The following AGBL4 variants were observed in gnomAD, a reference collection of about 807,000 sequenced individuals.
AGBL4 encodes cytosolic carboxypeptidase 6.
In AGBL4, 58 loss-of-function variants were observed where a neutral mutation model predicts 66.4. The ratio of observed to expected loss-of-function variants is 0.87; its 90% CI spans 0.71 to 1.09. The LOEUF (loss-of-function observed/expected upper bound fraction) is 1.09. Ranked by LOEUF, AGBL4 falls within the 50% of genes least tolerant of loss-of-function variation. The pLI is 0.00. For synonymous variants in AGBL4, 234 were observed against 222.9 expected (o/e 1.05, Z -0.44); for missense variants, 579 against 631.0 (o/e 0.92, Z 0.88).
intron 3 of AGBL4, among the ~76,000 whole-genome samples, chr1:49,276,058 T>G (rs1300177319): frequency 6.6e-6 from 1 of 151,982 alleles, no homozygotes; most frequent in Non-Finnish European, 1.5e-5. Context: ...TTCACTTTCT[T>G]TTGTTTCCAT....
intron 3 of AGBL4, among the ~76,000 whole-genome samples, chr1:49,368,978 G>T (rs1644290752): frequency 6.6e-6 from 1 of 152,136 alleles, no homozygotes; most frequent in Non-Finnish European, 1.5e-5. Flanking sequence ...AGGAGGCCGA[G>T]GCAGGAGAAT....
chr1:49,523,302 C>A (rs1650409520), intron 3 of AGBL4, among the ~76,000 whole-genome samples: 1 of 152,006 alleles, frequency 6.6e-6, no homozygotes, highest in Admixed American at 6.6e-5. Context: ...AATAAGAAGA[C>A]CTTAACTCTA....
intron 6 of AGBL4, among the ~76,000 whole-genome samples, chr1:48,777,686 T>C (rs912479421): frequency 1.3e-5 from 2 of 152,248 alleles, no homozygotes; most frequent in African/African-American, 4.8e-5. Flanking sequence ...TGCTCTCATC[T>C]GAGGGAGCAG....
chr1:48,679,423 G>A (rs900783121), intron 6 of AGBL4, among the ~76,000 whole-genome samples: 1 of 152,174 alleles, frequency 6.6e-6, no homozygotes, highest in Non-Finnish European at 1.5e-5. Context: ...GGCCTAGGAC[G>A]ATGAAGCCTG....
rs959720835 is a variant in AGBL4, at chr1:48,899,035, G to A, written c.595-31805C>T. On this transcript the variant is annotated intron_variant, in intron 5 of 13. Transcript: ENST00000371839. ...CCTCCAGAGGGCGGGAACCTTGGAC[G>A]TGGCGGGGCTGGGTCAGCCACGTCG... Among the ~76,000 whole-genome samples the A allele has an allele frequency of 2.6e-5, 4 of 152,228 alleles. No homozygotes were observed. In the East Asian group the frequency reaches 5.8e-4, roughly 22 times the overall value.
Position 48,552,478 on chromosome 1 carries a change from A to C in AGBL4, c.1268-12740T>G, listed in dbSNP as rs189635142. On this transcript the variant is annotated intron_variant, in intron 11 of 13. Coordinates refer to ENST00000371839, the MANE Select transcript of AGBL4 (RefSeq NM_032785.4). Reference sequence around the variant, plus strand: ...TTCACACTGGCTATGTAGAGTAAACAAAACAGGAATGGCTGTGCTCTCAAT... The same window carrying C: ...TTCACACTGGCTATGTAGAGTAAACCAAACAGGAATGGCTGTGCTCTCAAT... 3.9e-5 allele frequency among the ~76,000 whole-genome samples: 6 copies of C among 152,342 alleles called. No individual in the cohort carries two copies. In the East Asian group the frequency reaches 1.2e-3, roughly 29 times the overall value.
chr1:49,623,631 C>G (rs1645408727), intron 3 of AGBL4, among the ~76,000 whole-genome samples: 1 of 152,252 alleles, frequency 6.6e-6, no homozygotes, highest in South Asian at 2.1e-4. Context: ...ATCCATTTCC[C>G]CTGAACATTC....
At chr1:49,256,212 T>C (rs918632152) in intron 3 of AGBL4, among the ~76,000 whole-genome samples, 1 of 152,188 alleles carries the variant, frequency 6.6e-6, no homozygotes, top group Non-Finnish European at 1.5e-5. Flanking sequence ...ATGTTTGAGG[T>C]AATGTATATC....
chr1:48,735,153 C>T (rs919838868), intron 6 of AGBL4, among the ~76,000 whole-genome samples: 18 of 152,110 alleles, frequency 1.2e-4, no homozygotes, highest in African/African-American at 4.3e-4. Flanking sequence ...AACAAAAACC[C>T]CTAAATCCTG....
intron 1 of AGBL4, among the ~76,000 whole-genome samples, chr1:49,948,686 T>C (rs1384428116): frequency 6.7e-6 from 1 of 149,226 alleles, no homozygotes; most frequent in East Asian, 2.0e-4. Context: ...AAAGAAATCA[T>C]AGATGACACA....
intron 11 of AGBL4, among the ~76,000 whole-genome samples, chr1:48,581,823 G>T (rs1049232241): frequency 6.6e-5 from 10 of 152,176 alleles, no homozygotes; most frequent in African/African-American, 2.4e-4. Context: ...AAGAAACTGA[G>T]GTTCAGAGTG....
At chr1:48,643,334 C>T (rs548777331) in intron 8 of AGBL4, among the ~76,000 whole-genome samples, 3 of 152,206 alleles carry the variant, frequency 2.0e-5, no homozygotes, top group Non-Finnish European at 4.4e-5. Flanking sequence ...CTCTACCCTC[C>T]ACCTACCCAC....
chr1:48,807,843 T>TG (rs55916862), intron 6 of AGBL4, among the ~76,000 whole-genome samples: 76,449 of 151,732 alleles, frequency 0.5, 21,434 homozygotes, highest in Non-Finnish European at 0.65. Context: ...TGTATTGTTC[T>TG]GGGCCAAGGA....
At chr1:49,609,884 T>G (rs1645123815) in intron 3 of AGBL4, among the ~76,000 whole-genome samples, 1 of 152,186 alleles carries the variant, frequency 6.6e-6, no homozygotes, top group Non-Finnish European at 1.5e-5. Flanking sequence ...GTTGTAAGAA[T>G]TAAACATAAT....
intron 7 of AGBL4, among the ~76,000 whole-genome samples, chr1:48,660,665 GT>G (rs1646093011): frequency 6.6e-6 from 1 of 152,240 alleles, no homozygotes; most frequent in Non-Finnish European, 1.5e-5. Flanking sequence ...TGAATTGTGT[GT>G]CTCATGGGGC....
chr1:49,120,707 A>G (rs12040085), intron 4 of AGBL4, among the ~76,000 whole-genome samples: 62,212 of 151,976 alleles, frequency 0.41, 16,177 homozygotes, highest in Non-Finnish European at 0.58. Flanking sequence ...CTCAAGGAGC[A>G]TCTTTGTGGT....
intron 3 of AGBL4, among the ~76,000 whole-genome samples, chr1:49,341,626 A>C (rs1283405705): frequency 6.6e-6 from 1 of 152,124 alleles, no homozygotes; most frequent in Non-Finnish European, 1.5e-5. Context: ...TCTTTGGATT[A>C]ATCTGCCTTG....
chr1:49,660,064 C>G (rs1357119699), intron 3 of AGBL4, among the ~76,000 whole-genome samples: 1 of 151,984 alleles, frequency 6.6e-6, no homozygotes, highest in African/African-American at 2.4e-5. Context: ...GACAAAATCA[C>G]AAAAAGCAAT....
chr1:49,207,725 G>A (rs1037261263), intron 4 of AGBL4, among the ~76,000 whole-genome samples: 1 of 151,640 alleles, frequency 6.6e-6, no homozygotes, highest in Non-Finnish European at 1.5e-5. Flanking sequence ...CCAAGTAGCT[G>A]ATATTATAGC....
Sources: allele counts gnomAD v4.1 joint callset (sites outside exome capture counted in the v4.1 genomes callset), GRCh38; gene constraint gnomAD v4.1.1; transcripts MANE v1.5; gene names NCBI Gene and HGNC (gene_info 2026-07-23, HGNC 2026-07-21).